Variants in JARID2 observed in about 807,000 individuals in gnomAD.
The protein encoded by JARID2 is jumonji and AT-rich interaction domain containing 2.
JARID2 carries 21 observed loss-of-function variants against 125.6 expected under a neutral mutation model. That is an observed-to-expected ratio of 0.17 (90% CI 0.12 to 0.24). The LOEUF (loss-of-function observed/expected upper bound fraction) is 0.24, where lower values mean the gene tolerates loss of function less well. Among genes scored for constraint, JARID2 ranks in the 10% least tolerant of loss-of-function variants. JARID2 has a pLI of 1.00. For missense variants in JARID2, 1,303 were observed against 1,639.6 expected, an observed-to-expected ratio of 0.79 and a Z score of 3.55; for synonymous variants, 736 against 661.6, an observed-to-expected ratio of 1.11 and a Z score of -1.73.
chr6:15,332,133 G>T (rs1011046710), intron 1 of JARID2, among the ~76,000 whole-genome samples: 4 of 152,066 alleles, frequency 2.6e-5, no homozygotes, highest in African/African-American at 9.7e-5. Flanking sequence ...AAGGAAGGGT[G>T]GGGGGATTAG....
In JARID2 at chr6:15,407,093, A is replaced by G. The variant is rs1765680365; in HGVS notation, c.182-3131A>G. On this transcript the variant is annotated intron_variant, in intron 2 of 17. Transcript: ENST00000341776. ...TTGGCAACAAAGCAAGACCCCATGT[A>G]TAAAAAAAAAAGAAAAAAATTAGTG... Among the ~76,000 whole-genome samples the G allele has an allele frequency of 2.6e-5, 4 of 152,020 alleles. No individual in the cohort carries two copies. The Middle Eastern group carries it at 0.014, about 517-fold the overall frequency.
At chr6:15,438,018 T>A (rs2282825) in intron 3 of JARID2, among the ~76,000 whole-genome samples, 3 of 151,870 alleles carry the variant, frequency 2.0e-5, no homozygotes, top group Admixed American at 1.3e-4. Context: ...CCCACACAGG[T>A]TTAATGTCTT....
intron 1 of JARID2, among the ~76,000 whole-genome samples, chr6:15,366,191 A>G (rs1763965846): frequency 6.6e-6 from 1 of 152,160 alleles, no homozygotes; most frequent in African/African-American, 2.4e-5. Context: ...GGGTGATTTA[A>G]CAGCAGGTAT....
chr6:15,320,343 A>G (rs1314021099), intron 1 of JARID2, among the ~76,000 whole-genome samples: 1 of 152,220 alleles, frequency 6.6e-6, no homozygotes, highest in Non-Finnish European at 1.5e-5. Context: ...TAACCAGTTG[A>G]AAAGAGGAAG....
At chr6:15,294,393 C>T (rs962263117) in intron 1 of JARID2, among the ~76,000 whole-genome samples, 42 of 152,146 alleles carry the variant, frequency 2.8e-4, no homozygotes, top group Non-Finnish European at 7.3e-5. Context: ...AGGGTTTCAC[C>T]GTGTTAGCCA....
intron 1 of JARID2, among the ~76,000 whole-genome samples, chr6:15,372,303 G>A (rs1210702174): frequency 6.6e-6 from 1 of 151,994 alleles, no homozygotes; most frequent in African/African-American, 2.4e-5. Flanking sequence ...CTTGAACAAA[G>A]GGAACCTGAA....
At chr6:15,471,202 T>G (rs1769059548) in intron 5 of JARID2, among the ~76,000 whole-genome samples, 1 of 152,184 alleles carries the variant, frequency 6.6e-6, no homozygotes, top group Admixed American at 6.5e-5. Flanking sequence ...TATAATCTTT[T>G]GAGTTTGTGT....
chr6:15,323,308 A>G (rs753411844), intron 1 of JARID2, among the ~76,000 whole-genome samples: 18 of 152,132 alleles, frequency 1.2e-4, no homozygotes, highest in African/African-American at 3.1e-4. Context: ...CTTTCTTACA[A>G]TCACAGGAAT....
intron 1 of JARID2, among the ~76,000 whole-genome samples, chr6:15,270,122 G>A (rs948397922): frequency 2.0e-5 from 3 of 151,986 alleles, no homozygotes; most frequent in African/African-American, 4.8e-5. Context: ...CCTTCAGTCC[G>A]TCCATCTGTC....
intron 3 of JARID2, among the ~76,000 whole-genome samples, chr6:15,420,013 T>G (rs988132331): frequency 2.0e-5 from 3 of 152,232 alleles, no homozygotes; most frequent in Non-Finnish European, 4.4e-5. Flanking sequence ...ATAGCTCATG[T>G]GTTTTGTTCC....
intron 3 of JARID2, among the ~76,000 whole-genome samples, chr6:15,443,899 CA>C (rs1767551543): frequency 6.6e-6 from 1 of 152,110 alleles, no homozygotes; most frequent in Admixed American, 6.5e-5. Flanking sequence ...ACTGACCAAG[CA>C]AAACATCATA....
At chr6:15,432,662 T>C (rs1409915509) in intron 3 of JARID2, among the ~76,000 whole-genome samples, 1 of 152,194 alleles carries the variant, frequency 6.6e-6, no homozygotes, top group Non-Finnish European at 1.5e-5. Context: ...GTTTGGAATG[T>C]TACAAAGTTA....
chr6:15,325,780 T>A (rs1762516071), intron 1 of JARID2, among the ~76,000 whole-genome samples: 1 of 152,208 alleles, frequency 6.6e-6, no homozygotes, highest in South Asian at 2.1e-4. Context: ...GAGACATTAT[T>A]GTCTTCATTT....
intron 3 of JARID2, among the ~76,000 whole-genome samples, chr6:15,416,494 C>T (rs937285422): frequency 5.3e-5 from 8 of 152,220 alleles, no homozygotes; most frequent in African/African-American, 1.2e-4. Flanking sequence ...GAGACCAGCC[C>T]GGCCAACACA....
intron 1 of JARID2, among the ~76,000 whole-genome samples, chr6:15,370,592 C>T (rs547017605): frequency 7.2e-5 from 11 of 152,136 alleles, no homozygotes; most frequent in South Asian, 4.2e-4. Context: ...CTGCCTGCCT[C>T]GGTCTCCCAA....
At position 15,246,518 on chromosome 6, in the gene JARID2, C is replaced by T. The variant is rs750157113; in HGVS notation, c.-22C>T. On this transcript the variant is annotated 5_prime_UTR_variant, in exon 1 of 18. Transcript: ENST00000341776. The stretch of plus-strand genomic sequence containing the variant: ...TTCATGAAGCAATTGTCCCCTTTTG[C>T]AATCAGCATTTGGATCTCAGAATGA... 1.9e-6 allele frequency: 3 copies of T among 1,608,412 alleles called. No homozygotes were observed. Among genetic ancestry groups the T allele is most frequent in the Admixed American group, 3.4e-5 (2 of 59,624 alleles).
chr6:15,269,471 C>G (rs773066524), intron 1 of JARID2, among the ~76,000 whole-genome samples: 2 of 152,090 alleles, frequency 1.3e-5, no homozygotes, highest in Non-Finnish European at 2.9e-5. Flanking sequence ...AAGAGATCCT[C>G]CTGCCTTCCC....
At chr6:15,398,706 C>G (rs757793013) in intron 2 of JARID2, among the ~76,000 whole-genome samples, 1 of 152,126 alleles carries the variant, frequency 6.6e-6, no homozygotes, top group Non-Finnish European at 1.5e-5. Context: ...ATTTAAATAC[C>G]CGTTTCTCTT....
At chr6:15,348,879 T>A (rs1296652827) in intron 1 of JARID2, among the ~76,000 whole-genome samples, 1 of 152,182 alleles carries the variant, frequency 6.6e-6, no homozygotes, top group African/African-American at 2.4e-5. Flanking sequence ...GCGGATGAAT[T>A]AAGCCAATTA....
Sources: gnomAD v4.1 joint callset for allele counts (sites outside exome capture counted in the v4.1 genomes callset) on GRCh38, gnomAD v4.1.1 for gene constraint, MANE v1.5 for transcripts, NCBI Gene and HGNC (gene_info 2026-07-23, HGNC 2026-07-21) for gene names.